Variants in GRID2 observed in about 807,000 individuals in gnomAD.
GRID2 encodes glutamate ionotropic receptor delta type subunit 2.
In GRID2, 33 loss-of-function variants were observed where a neutral mutation model predicts 114.8. That is an observed-to-expected ratio of 0.29 (90% CI 0.22 to 0.38). GRID2 has a LOEUF of 0.38. Ranked by LOEUF, GRID2 falls within the 10% of genes least tolerant of loss-of-function variation. The probability of loss-of-function intolerance (pLI) is 1.00; values close to 1 mark genes in which losing one functional copy is unlikely to be tolerated. For synonymous variants in GRID2, 505 were observed against 449.9 expected, an observed-to-expected ratio of 1.12 and a Z score of -1.55; for missense variants, 1,184 against 1,257.7, an observed-to-expected ratio of 0.94 and a Z score of 0.89.
chr4:93,492,833 G>T (rs754517622), intron 12 of GRID2, among the ~76,000 whole-genome samples: 1 of 151,766 alleles, frequency 6.6e-6, no homozygotes, highest in Non-Finnish European at 1.5e-5. Flanking sequence ...CACCACCCAT[G>T]CTGTGCATTA....
chr4:93,259,508 A>G (rs1202003278), intron 8 of GRID2, among the ~76,000 whole-genome samples: 1 of 151,880 alleles, frequency 6.6e-6, no homozygotes, highest in East Asian at 1.9e-4. Flanking sequence ...TTTTACATAC[A>G]TGAAATTTAT....
chr4:93,520,763 G>C (rs1560709297), intron 13 of GRID2, among the ~76,000 whole-genome samples: 1 of 152,116 alleles, frequency 6.6e-6, no homozygotes, highest in Non-Finnish European at 1.5e-5. Flanking sequence ...AAGTGATTCT[G>C]ATTCACAATA....
At chr4:93,092,987 G>A (rs1730913784) in intron 3 of GRID2, among the ~76,000 whole-genome samples, 1 of 152,004 alleles carries the variant, frequency 6.6e-6, no homozygotes. Context: ...TGCTGAGCTT[G>A]AATGACCTAA....
intron 2 of GRID2, among the ~76,000 whole-genome samples, chr4:92,906,054 A>T (rs1311864369): frequency 6.6e-6 from 1 of 152,186 alleles, no homozygotes; most frequent in Non-Finnish European, 1.5e-5. Flanking sequence ...TACTAGTCTT[A>T]CACTGAGAGG....
intron 1 of GRID2, among the ~76,000 whole-genome samples, chr4:92,465,296 CAGAG>C (rs778236998): frequency 3.3e-5 from 5 of 151,310 alleles, no homozygotes; most frequent in Admixed American, 6.6e-5. Context: ...AAAATTCAGG[CAGAG>C]AGAACAAGTA....
intron 1 of GRID2, among the ~76,000 whole-genome samples, chr4:92,585,736 T>C (rs917733157): frequency 6.6e-6 from 1 of 151,846 alleles, no homozygotes; most frequent in Admixed American, 6.6e-5. Flanking sequence ...TCTTATCAGG[T>C]AAATAATGTT....
intron 1 of GRID2, among the ~76,000 whole-genome samples, chr4:92,431,260 T>G (rs1185496402): frequency 6.6e-6 from 1 of 152,192 alleles, no homozygotes; most frequent in African/African-American, 2.4e-5. Context: ...TGGCTTGTAT[T>G]GTATTGCAGT....
In GRID2 at chr4:93,107,779, C is replaced by A. The variant is rs1455008015; in HGVS notation, c.530-2969C>A. Among the ~76,000 whole-genome samples the A allele has an allele frequency of 3.9e-5, 6 of 152,106 alleles. No individual in the cohort carries two copies. In the East Asian group the frequency reaches 1.2e-3, roughly 29 times the overall value. ...AAAGTGCTGGGGTTTCAGACATGAG[C>A]CAGCACGCCCAGCCCCAATTTAAAA... On this transcript the variant is annotated intron_variant, in intron 3 of 15. Transcript: ENST00000282020.
At chr4:92,693,450 G>A (rs2149294943) in intron 2 of GRID2, among the ~76,000 whole-genome samples, 1 of 152,272 alleles carries the variant, frequency 6.6e-6, no homozygotes, top group Admixed American at 6.5e-5. Context: ...GTTGGGAAAT[G>A]GTTTACATAC....
intron 1 of GRID2, among the ~76,000 whole-genome samples, chr4:92,506,190 G>A (rs1194491103): frequency 6.6e-6 from 1 of 151,968 alleles, no homozygotes; most frequent in Non-Finnish European, 1.5e-5. Context: ...AATATAGCAT[G>A]CAGTAAAAAA....
intron 2 of GRID2, among the ~76,000 whole-genome samples, chr4:92,943,906 G>C (rs557322326): frequency 3.3e-5 from 5 of 152,224 alleles, no homozygotes; most frequent in African/African-American, 9.6e-5. Flanking sequence ...GCGGCTACTG[G>C]TGAACAGCAA....
chr4:92,410,420 A>G (rs1049393983), intron 1 of GRID2, among the ~76,000 whole-genome samples: 11 of 152,236 alleles, frequency 7.2e-5, no homozygotes, highest in African/African-American at 1.9e-4. Context: ...TACAATTCAT[A>G]TATCCATGAA....
At chr4:92,601,923 A>G (rs1729233813) in intron 2 of GRID2, among the ~76,000 whole-genome samples, 1 of 152,118 alleles carries the variant, frequency 6.6e-6, no homozygotes, top group Non-Finnish European at 1.5e-5. Context: ...AGAAATGGAT[A>G]AATTCCTGGA....
At chr4:93,355,391 G>C (rs1047297892) in intron 8 of GRID2, among the ~76,000 whole-genome samples, 2 of 152,008 alleles carry the variant, frequency 1.3e-5, no homozygotes, top group South Asian at 2.1e-4. Context: ...TTGACTGGGG[G>C]CTCCAGTGGG....
In GRID2 at chr4:93,613,624, G is replaced by A. The variant is rs768953694; in HGVS notation, c.2194-12645G>A. Reference sequence around the variant, plus strand: ...GGGGTGCCTCCCAGTTAGGCTGCTCGGGGGTCAGGGGTCAGGGACCCACTT... The same window carrying A: ...GGGGTGCCTCCCAGTTAGGCTGCTCAGGGGTCAGGGGTCAGGGACCCACTT... On this transcript the variant is annotated intron_variant, in intron 13 of 15. Coordinates refer to ENST00000282020, the MANE Select transcript of GRID2 (RefSeq NM_001510.4). Among the ~76,000 whole-genome samples, 38 of 114,758 alleles carry A rather than the reference G, an allele frequency of 3.3e-4. 1 individual carries two copies. Among genetic ancestry groups the A allele is most frequent in the Non-Finnish European group, 6.7e-4 (34 of 50,910 alleles). The allele number at this position is 114,758 out of a possible 152,430, so 75.3% of individuals were successfully genotyped here. A position where few individuals can be genotyped will look rare whatever the true frequency, so the allele number is the denominator to read the frequency against.
intron 4 of GRID2, among the ~76,000 whole-genome samples, chr4:93,154,730 T>C (rs932656041): frequency 2.6e-5 from 4 of 151,596 alleles, no homozygotes; most frequent in African/African-American, 9.7e-5. Context: ...TCTCTCTGTA[T>C]TCGTGGCAAA....
chr4:93,452,325 A>T lies in GRID2; in HGVS notation c.1546-3337A>T, dbSNP rs530855565. ...ATAATTAAGAAGTACTTTTTCCATG[A>T]GGAATAGGGTATCCAACAATATGGG... On this transcript the variant is annotated intron_variant, in intron 10 of 15. Coordinates refer to ENST00000282020, the MANE Select transcript of GRID2 (RefSeq NM_001510.4). Among the ~76,000 whole-genome samples, 7 of 152,122 alleles carry T rather than the reference A, an allele frequency of 4.6e-5. No homozygotes were observed. In the East Asian group the frequency reaches 1.4e-3, roughly 29 times the overall value.
intron 9 of GRID2, among the ~76,000 whole-genome samples, chr4:93,403,775 G>A (rs1381342644): frequency 6.6e-6 from 1 of 152,142 alleles, no homozygotes; most frequent in Non-Finnish European, 1.5e-5. Flanking sequence ...TACATTGCTG[G>A]TAGGAATGTA....
chr4:92,820,774 T>A (rs765579966), intron 2 of GRID2, among the ~76,000 whole-genome samples: 4 of 152,132 alleles, frequency 2.6e-5, no homozygotes, highest in Non-Finnish European at 5.9e-5. Context: ...CAACATTCTA[T>A]TAATTTCAGG....
Sources: gnomAD v4.1 joint callset for allele counts (sites outside exome capture counted in the v4.1 genomes callset) on GRCh38, gnomAD v4.1.1 for gene constraint, MANE v1.5 for transcripts, NCBI Gene and HGNC (gene_info 2026-07-23, HGNC 2026-07-21) for gene names.